CPED1: variants seen among roughly 807,000 people sequenced by gnomAD.
CPED1 encodes the protein cadherin-like and PC-esterase domain-containing protein 1.
Under a neutral mutation model 128.2 loss-of-function variants are expected in CPED1, and 114 were observed. That is an observed-to-expected ratio of 0.89 (90% CI 0.76 to 1.04). The LOEUF (loss-of-function observed/expected upper bound fraction) is 1.04, where lower values mean the gene tolerates loss of function less well. Ranked by LOEUF, CPED1 falls within the 50% of genes least tolerant of loss-of-function variation. CPED1 has a pLI of 0.00. For missense variants in CPED1, 1,211 were observed against 1,207.1 expected, an observed-to-expected ratio of 1.00 and a Z score of -0.05; for synonymous variants, 462 against 426.7, an observed-to-expected ratio of 1.08 and a Z score of -1.02.
At chr7:121,139,607 C>A (rs1795857074) in intron 14 of CPED1, among the ~76,000 whole-genome samples, 2 of 151,918 alleles carry the variant, frequency 1.3e-5, no homozygotes, top group African/African-American at 4.8e-5. Context: ...GAGAGCAAGA[C>A]AAGGAAGGGA....
chr7:121,190,158 A>G (rs1219850871), intron 16 of CPED1, among the ~76,000 whole-genome samples: 1 of 152,074 alleles, frequency 6.6e-6, no homozygotes, highest in African/African-American at 2.4e-5. Context: ...AATAGTGATG[A>G]GAAAAGCCCA....
At chr7:121,177,795 C>T (rs1312713542) in intron 16 of CPED1, among the ~76,000 whole-genome samples, 1 of 151,854 alleles carries the variant, frequency 6.6e-6, no homozygotes, top group Non-Finnish European at 1.5e-5. Flanking sequence ...TTCCTTCTGC[C>T]CCTACCTTCC....
Position 121,244,238 on chromosome 7 carries a change from A to G in CPED1, c.2210A>G (p.Asn737Ser). 6.2e-7 allele frequency: 1 copy of G among 1,614,166 alleles called. No homozygotes were observed. The change falls in exon 18 of 23, where the codon AAC becomes AGC. Residue 737 changes from asparagine to serine, a missense_variant. By Grantham distance (46) the Asn-to-Ser change is conservative (BLOSUM62 1). Transcript: ENST00000310396. ...GTGCCTTGCCTTAGTTGTTCGGACAACAGGACGTGTGACTGGAGAGAAATA... is the reference window on the plus strand; with the variant it reads ...GTGCCTTGCCTTAGTTGTTCGGACAGCAGGACGTGTGACTGGAGAGAAATA... ...WIVPCLSCSD[N>S]RTCDWREITW...
At chr7:121,272,694 G>A (rs949439385) in intron 22 of CPED1, among the ~76,000 whole-genome samples, 3 of 152,080 alleles carry the variant, frequency 2.0e-5, no homozygotes, top group African/African-American at 7.2e-5. Flanking sequence ...AGTTCCCAGT[G>A]AAGCTTTCTC....
At chr7:121,119,765 C>T (rs1795342958) in intron 7 of CPED1, among the ~76,000 whole-genome samples, 1 of 152,002 alleles carries the variant, frequency 6.6e-6, no homozygotes, top group African/African-American at 2.4e-5. Context: ...TACTGTGCAA[C>T]CAATCTCTAG....
At chr7:121,031,324 T>G (rs1041511709) in intron 3 of CPED1, among the ~76,000 whole-genome samples, 15 of 152,180 alleles carry the variant, frequency 9.9e-5, no homozygotes, top group African/African-American at 3.6e-4. Flanking sequence ...TTTTTTTGTT[T>G]TTTTCGAGAT....
intron 16 of CPED1, among the ~76,000 whole-genome samples, chr7:121,179,246 C>A (rs1796849884): frequency 6.6e-6 from 1 of 151,994 alleles, no homozygotes; most frequent in Non-Finnish European, 1.5e-5. Context: ...CGCTAGGCTG[C>A]AAGCCTAAGA....
intron 18 of CPED1, among the ~76,000 whole-genome samples, chr7:121,251,141 G>A (rs1010726626): frequency 6.6e-6 from 1 of 152,118 alleles, no homozygotes; most frequent in Non-Finnish European, 1.5e-5. Flanking sequence ...TTCATCCCTG[G>A]GATGCAAGGC....
chr7:121,145,709 G>A (rs1240274520), intron 16 of CPED1, among the ~76,000 whole-genome samples: 1 of 150,872 alleles, frequency 6.6e-6, no homozygotes, highest in Admixed American at 6.6e-5. Flanking sequence ...TCTCATTAGT[G>A]TCTTTAGGTT....
intron 16 of CPED1, chr7:121,194,867 C>T (rs914620680): frequency 6.6e-6 from 1 of 152,128 alleles, no homozygotes; most frequent in African/African-American, 2.4e-5. Flanking sequence ...CTTCAGGGCT[C>T]AGGTGATCCT....
At chr7:121,152,437 T>C (rs1796180515) in intron 16 of CPED1, among the ~76,000 whole-genome samples, 1 of 152,234 alleles carries the variant, frequency 6.6e-6, no homozygotes, top group African/African-American at 2.4e-5. Flanking sequence ...AAATAATCCC[T>C]CTTAAATACT....
Position 121,099,957 on chromosome 7 carries a change from A to G in CPED1, c.781A>G (p.Thr261Ala). 5 of 1,613,662 alleles carry G rather than the reference A, an allele frequency of 3.1e-6. No individual in the cohort carries two copies. The highest frequency in any genetic ancestry group is 2.2e-5 in the South Asian group (2 of 91,054). Residue 261 changes from threonine (T) to alanine (A), a missense_variant, in exon 7 of 23, where the codon ACA (threonine) becomes GCA (alanine). Transcript: ENST00000310396. ...AACGACAGTCCTTGCTCCACATGAA[A>G]CAATCTTTCGAGCCGAAGATCTATC... ...NETTVLAPHE[T>A]IFRAEDLSVI...
intron 5 of CPED1, among the ~76,000 whole-genome samples, chr7:121,086,322 C>A (rs981476509): frequency 1.3e-5 from 2 of 152,094 alleles, no homozygotes; most frequent in African/African-American, 4.8e-5. Flanking sequence ...GTGCCAAGAG[C>A]AAAATGAGAA....
chr7:121,118,635 G>A (rs1352110436), intron 7 of CPED1, among the ~76,000 whole-genome samples: 4 of 151,774 alleles, frequency 2.6e-5, no homozygotes, highest in Non-Finnish European at 5.9e-5. Context: ...TCATTCTTGT[G>A]TTGCTGTGAG....
rs533636649 is a variant in CPED1 at position 121,048,044 on chromosome 7, A to G, written c.540+1051A>G. On this transcript the variant is annotated intron_variant, in intron 4 of 22. Transcript: ENST00000310396. ...GCTGAGCACACGCTTTTGTGACTCC[A>G]TGTACATTTCTGGCCATTCCTCCTC... Among the ~76,000 whole-genome samples, 7 of 152,190 alleles carry G rather than the reference A, an allele frequency of 4.6e-5. No homozygotes were observed. The South Asian group carries it at 6.2e-4, about 14-fold the overall frequency.
At chr7:121,102,713 A>G (rs942263496) in intron 7 of CPED1, among the ~76,000 whole-genome samples, 14 of 152,060 alleles carry the variant, frequency 9.2e-5, no homozygotes, top group African/African-American at 3.4e-4. Flanking sequence ...ACAACCAATA[A>G]TTGCCCTAGA....
chr7:121,034,247 CTTTTTTT>C (rs3067998), intron 3 of CPED1, among the ~76,000 whole-genome samples: 7 of 113,954 alleles, frequency 6.1e-5, no homozygotes, highest in African/African-American at 2.4e-4. Context: ...GTTTTTTTTT[CTTTTTTT>C]TTTTTTTTTT....
chr7:121,249,989 A>T (rs1466824721), intron 18 of CPED1, among the ~76,000 whole-genome samples: 1 of 152,128 alleles, frequency 6.6e-6, no homozygotes, highest in Non-Finnish European at 1.5e-5. Flanking sequence ...CGTCTACAGA[A>T]CTCTCCACCC....
At chr7:121,133,963 T>C (rs760308352) in intron 13 of CPED1, 70 bp downstream of exon 13, 140 of 838,664 alleles carry the variant, frequency 1.7e-4, no homozygotes, top group Non-Finnish European at 2.6e-4. Context: ...AATGCAAAAC[T>C]ATTTAGCTTC....
Sources: allele counts gnomAD v4.1 joint callset (sites outside exome capture counted in the v4.1 genomes callset), GRCh38; gene constraint gnomAD v4.1.1; transcripts MANE v1.5; gene names NCBI Gene and HGNC (gene_info 2026-07-23, HGNC 2026-07-21).